The following CADM2 variants were observed in gnomAD, a reference collection of about 807,000 sequenced individuals.
The protein encoded by CADM2 is immunoglobulin superfamily member 4D.
Under a neutral mutation model 49.8 loss-of-function variants are expected in CADM2, and 12 were observed. The observed-to-expected ratio is 0.24, with a 90% CI of 0.15 to 0.39. The LOEUF (loss-of-function observed/expected upper bound fraction) is 0.39. Among genes scored for constraint, CADM2 ranks in the 10% least tolerant of loss-of-function variants. The probability of loss-of-function intolerance (pLI) is 1.00; values close to 1 mark genes in which losing one functional copy is unlikely to be tolerated. For missense variants in CADM2, 378 were observed against 492.3 expected (o/e 0.77, Z 2.20); for synonymous variants, 214 against 175.4 (o/e 1.22, Z -1.74).
rs1408184720 is a variant in CADM2, at chr3:86,072,154, AG to A, written c.*5373del. On this transcript the variant is annotated 3_prime_UTR_variant, in exon 10 of 10. Transcript: ENST00000383699. ...TAAAAGAAATGACAGATTCTTCTGT[AG>A]GAAAAAATAAAAACATGAATATCTC... 1 of 151,936 alleles carries A rather than the reference AG, an allele frequency of 6.6e-6. No individual in the cohort carries two copies. Among genetic ancestry groups the A allele is most frequent in the Non-Finnish European group, 1.5e-5 (1 of 67,882 alleles). 9.4% of individuals were successfully genotyped at this position (151,936 alleles called of 1,614,324 possible). A position where few individuals can be genotyped will look rare whatever the true frequency, so the allele number is the denominator to read the frequency against.
intron 1 of CADM2, among the ~76,000 whole-genome samples, chr3:85,651,301 G>A (rs980751378): frequency 5.3e-5 from 8 of 152,028 alleles, no homozygotes; most frequent in African/African-American, 1.4e-4. Context: ...TCAAATTAAA[G>A]GTCACTTAAC....
At chr3:85,515,808 C>T (rs2060890086) in intron 1 of CADM2, among the ~76,000 whole-genome samples, 1 of 151,444 alleles carries the variant, frequency 6.6e-6, no homozygotes, top group African/African-American at 2.4e-5. Flanking sequence ...GCTAAATATG[C>T]CATCCCCTCC....
intron 1 of CADM2, among the ~76,000 whole-genome samples, chr3:85,172,875 A>G (rs2040665303): frequency 6.8e-6 from 1 of 147,136 alleles, no homozygotes; most frequent in Non-Finnish European, 1.5e-5. Context: ...AATGTTATAT[A>G]TTATGTATAA....
chr3:85,770,969 T>C (rs1456383286), intron 2 of CADM2, among the ~76,000 whole-genome samples: 1 of 152,216 alleles, frequency 6.6e-6, no homozygotes, highest in Non-Finnish European at 1.5e-5. Context: ...CTGTGATACA[T>C]GTCATGATAC....
intron 1 of CADM2, among the ~76,000 whole-genome samples, chr3:85,365,199 C>CTTTTTTTTTTT (rs397962829): frequency 9.5e-6 from 1 of 104,716 alleles, no homozygotes; most frequent in Admixed American, 1.3e-4. Context: ...TTTTTTTTTA[C>CTTTTTTTTTTT]TTTTTTTTTT....
intron 1 of CADM2, among the ~76,000 whole-genome samples, chr3:85,062,500 A>G (rs952358640): frequency 1.1e-4 from 16 of 151,960 alleles, no homozygotes; most frequent in African/African-American, 3.4e-4. Flanking sequence ...AAAGACTTAA[A>G]GGACAGAGCT....
At position 85,277,574 on chromosome 3, in the gene CADM2, C is replaced by T. The variant is rs139180896; in HGVS notation, c.61+317906C>T. On this transcript the variant is annotated intron_variant, in intron 1 of 9. Coordinates refer to ENST00000383699, the MANE Select transcript of CADM2 (RefSeq NM_001167675.2). The stretch of plus-strand genomic sequence containing the variant: ...TCCTGAAACTTTAAGTAAAAATTCT[C>T]TCACGAACATTGTTATGCTATGTTC... 3.0e-3 allele frequency among the ~76,000 whole-genome samples: 461 copies of T among 151,460 alleles called. 4 individuals are homozygous for T. Among genetic ancestry groups the T allele is most frequent in the Admixed American group, 5.7e-3 (86 of 15,146 alleles).
intron 1 of CADM2, among the ~76,000 whole-genome samples, chr3:85,438,360 G>GT: frequency 1.1e-5 from 1 of 93,798 alleles, no homozygotes; most frequent in African/African-American, 3.5e-5. Context: ...AAGTCGTGGT[G>GT]TTTGAAAAAA....
chr3:85,604,771 G>A (rs536955191), intron 1 of CADM2, among the ~76,000 whole-genome samples: 1 of 152,076 alleles, frequency 6.6e-6, no homozygotes, highest in Non-Finnish European at 1.5e-5. Flanking sequence ...TAAGGCAAAA[G>A]GAATTCAATC....
chr3:85,113,229 C>A (rs1249358289), intron 1 of CADM2, among the ~76,000 whole-genome samples: 1 of 152,046 alleles, frequency 6.6e-6, no homozygotes, highest in African/African-American at 2.4e-5. Flanking sequence ...GAATGCAGAG[C>A]TGAAAGTTGC....
At chr3:85,635,358 C>A (rs1296166914) in intron 1 of CADM2, among the ~76,000 whole-genome samples, 1 of 152,036 alleles carries the variant, frequency 6.6e-6, no homozygotes, top group South Asian at 2.1e-4. Flanking sequence ...AAAATTATTT[C>A]TAAGTGGGTA....
intron 1 of CADM2, among the ~76,000 whole-genome samples, chr3:85,031,885 AT>A (rs369860229): frequency 0.01 from 1,574 of 152,092 alleles, 38 homozygotes; most frequent in African/African-American, 0.036. Context: ...CCTTTTGTAC[AT>A]TTCTGTAAAA....
intron 1 of CADM2, among the ~76,000 whole-genome samples, chr3:85,668,495 TG>T (rs1265471039): frequency 6.6e-6 from 1 of 152,104 alleles, no homozygotes; most frequent in Non-Finnish European, 1.5e-5. Context: ...CCATGTGTTG[TG>T]GGAGGAACCC....
At chr3:85,527,906 C>G (rs1038268506) in intron 1 of CADM2, among the ~76,000 whole-genome samples, 2 of 152,058 alleles carry the variant, frequency 1.3e-5, no homozygotes. Flanking sequence ...TATGACCTTT[C>G]TTTTAGTCTA....
At chr3:85,494,809 T>A (rs2039820192) in intron 1 of CADM2, among the ~76,000 whole-genome samples, 1 of 152,150 alleles carries the variant, frequency 6.6e-6, no homozygotes, top group Non-Finnish European at 1.5e-5. Flanking sequence ...GTTCATAATT[T>A]ATAGTATAAA....
At chr3:85,380,675 A>G (rs1291850936) in intron 1 of CADM2, among the ~76,000 whole-genome samples, 1 of 151,964 alleles carries the variant, frequency 6.6e-6, no homozygotes, top group Non-Finnish European at 1.5e-5. Flanking sequence ...AAACCGTAAC[A>G]TGTTCATATT....
At chr3:85,528,255 G>T (rs1478711866) in intron 1 of CADM2, among the ~76,000 whole-genome samples, 1 of 152,008 alleles carries the variant, frequency 6.6e-6, no homozygotes, top group African/African-American at 2.4e-5. Flanking sequence ...TACCTATGTG[G>T]TTTTCTGAGG....
intron 1 of CADM2, among the ~76,000 whole-genome samples, chr3:85,527,150 C>T (rs2106930409): frequency 6.6e-6 from 1 of 152,032 alleles, no homozygotes; most frequent in East Asian, 2.0e-4. Flanking sequence ...CCGTGGGATG[C>T]CAGGAAAGTA....
intron 1 of CADM2, among the ~76,000 whole-genome samples, chr3:85,289,550 T>G (rs935521126): frequency 1.3e-5 from 2 of 152,184 alleles, no homozygotes; most frequent in Non-Finnish European, 2.9e-5. Context: ...GTGTGTATAA[T>G]CTAAGCTAAA....
Sources: allele counts gnomAD v4.1 joint callset (sites outside exome capture counted in the v4.1 genomes callset), GRCh38; gene constraint gnomAD v4.1.1; transcripts MANE v1.5; gene names NCBI Gene and HGNC (gene_info 2026-07-23, HGNC 2026-07-21).